The following HECW2 variants were observed in gnomAD, a reference collection of about 807,000 sequenced individuals.
The protein encoded by HECW2 is HECT, C2 and WW domain containing E3 ubiquitin protein ligase 2.
In HECW2, 61 loss-of-function variants were observed where a neutral mutation model predicts 175.2. The ratio of observed to expected loss-of-function variants is 0.35; its 90% CI spans 0.28 to 0.43. The LOEUF is 0.43. Among genes scored for constraint, HECW2 ranks in the 20% least tolerant of loss-of-function variants. The probability of loss-of-function intolerance (pLI) is 1.00; values close to 1 mark genes in which losing one functional copy is unlikely to be tolerated. For synonymous variants in HECW2, 671 were observed against 731.0 expected (o/e 0.92, Z 1.32); for missense variants, 1,524 against 2,000.5 (o/e 0.76, Z 4.54).
intron 2 of HECW2, among the ~76,000 whole-genome samples, chr2:196,350,483 T>A (rs1310448242): frequency 6.6e-6 from 1 of 152,236 alleles, no homozygotes; most frequent in African/African-American, 2.4e-5. Context: ...ACCAGATGAT[T>A]CAGATGCAAG....
At chr2:196,562,028 C>T (rs115142638) in intron 1 of HECW2, among the ~76,000 whole-genome samples, 1,840 of 152,286 alleles carry the variant, frequency 0.012, 40 homozygotes, top group African/African-American at 0.042. Context: ...GGTATGACAA[C>T]GCTTTAGACA....
At chr2:196,477,410 T>C (rs1306408548) in intron 1 of HECW2, among the ~76,000 whole-genome samples, 1 of 152,220 alleles carries the variant, frequency 6.6e-6, no homozygotes, top group Non-Finnish European at 1.5e-5. Context: ...TTACATGCTT[T>C]TTAAAATAAA....
intron 14 of HECW2, among the ~76,000 whole-genome samples, chr2:196,282,709 G>A (rs1377905380): frequency 6.6e-6 from 1 of 152,180 alleles, no homozygotes; most frequent in Non-Finnish European, 1.5e-5. Flanking sequence ...CCAGGTAGCA[G>A]GCTTCAGAGA....
intron 2 of HECW2, among the ~76,000 whole-genome samples, chr2:196,350,843 T>A (rs1453250965): frequency 2.6e-5 from 4 of 152,246 alleles, no homozygotes; most frequent in African/African-American, 7.2e-5. Flanking sequence ...TGATTAGTCA[T>A]CCTGGTGTCT....
At chr2:196,226,827 T>TG (rs1363876718) in intron 22 of HECW2, among the ~76,000 whole-genome samples, 2 of 152,220 alleles carry the variant, frequency 1.3e-5, no homozygotes, top group Non-Finnish European at 2.9e-5. Context: ...CATGGACATT[T>TG]GGGGGAGTTT....
At chr2:196,274,261 G>A in intron 15 of HECW2, 138 bp from the exon 16 acceptor site, 1 of 629,124 alleles carries the variant, frequency 1.6e-6, no homozygotes. Context: ...CAGCTGTGGG[G>A]CTGAAGCAGG....
At chr2:196,506,774 C>G (rs1038182400) in intron 1 of HECW2, among the ~76,000 whole-genome samples, 1 of 152,034 alleles carries the variant, frequency 6.6e-6, no homozygotes, top group Non-Finnish European at 1.5e-5. Context: ...ATAACTATTA[C>G]AATTTTTAAA....
chr2:196,544,461 C>T (rs1242331608), intron 1 of HECW2, among the ~76,000 whole-genome samples: 2 of 152,224 alleles, frequency 1.3e-5, no homozygotes. Context: ...ACAGCGTACA[C>T]CTGTGACTCC....
intron 2 of HECW2, 39 bp from the exon 3 acceptor site, chr2:196,343,803 AC>A (rs1188252684): frequency 4.0e-6 from 5 of 1,262,854 alleles, no homozygotes; most frequent in Non-Finnish European, 4.6e-6. Context: ...ATTAATTATA[AC>A]CTTTCTCTCC....
intron 2 of HECW2, among the ~76,000 whole-genome samples, chr2:196,390,177 A>C (rs1694464834): frequency 6.6e-6 from 1 of 152,094 alleles, no homozygotes; most frequent in Non-Finnish European, 1.5e-5. Flanking sequence ...CATTTTATTC[A>C]TGAATACCTG....
chr2:196,573,864 C>T (rs1233210029), intron 1 of HECW2, among the ~76,000 whole-genome samples: 1 of 151,628 alleles, frequency 6.6e-6, no homozygotes, highest in East Asian at 1.9e-4. Context: ...GACTCAACAA[C>T]AACAACAAAA....
chr2:196,284,088 CT>C (rs1426962256), intron 14 of HECW2, among the ~76,000 whole-genome samples: 1 of 152,238 alleles, frequency 6.6e-6, no homozygotes, highest in Admixed American at 6.5e-5. Context: ...CCCCTCACAC[CT>C]TATATCATAC....
rs769503957 is a variant in HECW2 at position 196,306,580 on chromosome 2, T to C, written c.2722A>G (p.Thr908Ala). Residue 908 changes from threonine to alanine, a missense_variant, in exon 13 of 29, where the codon ACC becomes GCC. Coordinates refer to ENST00000644978, the MANE Select transcript of HECW2 (RefSeq NM_001348768.2). The part of the protein sequence containing the change: ...FRRENILPHS[T>A]SRSRITLLLQ... ...AGCAACGTGATCCTGGATCTGGAGG[T>C]AGAGTGAGGCAGGATGTTCTCCCGT... 2 of 1,613,120 alleles carry C rather than the reference T, an allele frequency of 1.2e-6. No individual in the cohort carries two copies. Among genetic ancestry groups the C allele is most frequent in the Non-Finnish European group, 1.7e-6 (2 of 1,179,590 alleles).
intron 1 of HECW2, among the ~76,000 whole-genome samples, chr2:196,461,760 G>T (rs1366956477): frequency 6.6e-6 from 1 of 152,044 alleles, no homozygotes; most frequent in African/African-American, 2.4e-5. Flanking sequence ...ATCAGATCTC[G>T]TGAGAACCCA....
At chr2:196,372,745 T>C (rs1194981106) in intron 2 of HECW2, among the ~76,000 whole-genome samples, 3 of 152,200 alleles carry the variant, frequency 2.0e-5, no homozygotes, top group Admixed American at 6.6e-5. Context: ...AATTTGTTCA[T>C]TTTATTTGCT....
At chr2:196,209,924 C>T (rs1180402980) in intron 28 of HECW2, among the ~76,000 whole-genome samples, 1 of 152,080 alleles carries the variant, frequency 6.6e-6, no homozygotes, top group African/African-American at 2.4e-5. Context: ...CCACCACGCC[C>T]GGCCAACTTT....
At chr2:196,258,548 T>C (rs1689159083) in intron 17 of HECW2, among the ~76,000 whole-genome samples, 1 of 152,156 alleles carries the variant, frequency 6.6e-6, no homozygotes, top group Non-Finnish European at 1.5e-5. Context: ...AAACACAAGG[T>C]GAGTTATTTC....
chr2:196,513,817 A>G (rs576318098), intron 1 of HECW2, among the ~76,000 whole-genome samples: 1 of 152,362 alleles, frequency 6.6e-6, no homozygotes, highest in African/African-American at 2.4e-5. Context: ...GTTGGCAAAC[A>G]GTTTGCTACT....
intron 1 of HECW2, among the ~76,000 whole-genome samples, chr2:196,583,805 A>G (rs1157593543): frequency 2.0e-5 from 3 of 152,248 alleles, no homozygotes; most frequent in Non-Finnish European, 4.4e-5. Flanking sequence ...TATGTGATCA[A>G]TACTGGGCAT....
Sources: allele counts gnomAD v4.1 joint callset (sites outside exome capture counted in the v4.1 genomes callset), GRCh38; gene constraint gnomAD v4.1.1; transcripts MANE v1.5; gene names NCBI Gene and HGNC (gene_info 2026-07-23, HGNC 2026-07-21).